FNBP1: variants seen among roughly 807,000 people sequenced by gnomAD.
FNBP1 encodes the protein formin binding protein 1.
Under a neutral mutation model 90.6 loss-of-function variants are expected in FNBP1, and 26 were observed. The ratio of observed to expected loss-of-function variants is 0.29; its 90% CI spans 0.21 to 0.40. The LOEUF (loss-of-function observed/expected upper bound fraction) is 0.40, where lower values mean the gene tolerates loss of function less well. Ranked by LOEUF, FNBP1 falls within the 10% of genes least tolerant of loss-of-function variation. FNBP1 has a pLI of 1.00. For missense variants in FNBP1, 635 were observed against 768.0 expected, an observed-to-expected ratio of 0.83 and a Z score of 2.05; for synonymous variants, 260 against 265.2, an observed-to-expected ratio of 0.98 and a Z score of 0.19.
intron 1 of FNBP1, among the ~76,000 whole-genome samples, chr9:130,004,899 C>A (rs2055425489): frequency 6.6e-6 from 1 of 151,924 alleles, no homozygotes; most frequent in Non-Finnish European, 1.5e-5. Flanking sequence ...AACCCTGTCT[C>A]TACTAAAAAC....
chr9:130,036,643 T>G (rs1281171491), intron 1 of FNBP1, among the ~76,000 whole-genome samples: 1 of 152,198 alleles, frequency 6.6e-6, no homozygotes, highest in Non-Finnish European at 1.5e-5. Flanking sequence ...GTTGATTTTG[T>G]TTCTCTTCTG....
chr9:130,047,455 A>G (rs565756206), upstream of FNBP1, among the ~76,000 whole-genome samples: 51 of 152,262 alleles, frequency 3.3e-4, no homozygotes, highest in Middle Eastern at 0.014. Context: ...TCTACTAAAA[A>G]TACAAAAATT....
chr9:130,048,505 T>TTTTTTTTTTG, the FNBP1 span, among the ~76,000 whole-genome samples: 1 of 146,670 alleles, frequency 6.8e-6, no homozygotes, highest in African/African-American at 2.5e-5. Flanking sequence ...TTTTTTTTTT[T>TTTTTTTTTTG]GAGACGGAGT....
At chr9:130,029,752 G>A (rs1029934158) in intron 1 of FNBP1, among the ~76,000 whole-genome samples, 1 of 152,120 alleles carries the variant, frequency 6.6e-6, no homozygotes, top group African/African-American at 2.4e-5. Flanking sequence ...CGGAGGCCAA[G>A]GCAGGGGGAT....
intron 1 of FNBP1, among the ~76,000 whole-genome samples, chr9:130,020,359 G>A (rs186906806): frequency 6.6e-5 from 10 of 152,134 alleles, no homozygotes; most frequent in East Asian, 3.9e-4. Context: ...ACAGGCGCCC[G>A]CCACCACGCC....
In FNBP1 at chr9:130,042,819, T is replaced by C; in HGVS notation, c.24+133A>G. ...CGAGGGGCATTGGAACCCCGCCTCC[T>C]CCCCAGGCCGCGAGGACCCCGACCA... On this transcript the variant is annotated intron_variant, in intron 1 of 16. Coordinates refer to ENST00000446176, the MANE Select transcript of FNBP1 (RefSeq NM_015033.3). This position sits in a 1 kb window ranked among gnomAD's most constrained non-coding sequence, Gnocchi z 5.5. 1.9e-6 allele frequency: 1 copy of C among 518,988 alleles called. No homozygotes were observed. Among genetic ancestry groups the C allele is most frequent in the Non-Finnish European group, 2.9e-6 (1 of 344,412 alleles). 32.1% of individuals were successfully genotyped at this position (518,988 alleles called of 1,614,324 possible).
intron 6 of FNBP1, among the ~76,000 whole-genome samples, chr9:129,932,309 A>C (rs1036045676): frequency 2.6e-5 from 4 of 152,078 alleles, no homozygotes; most frequent in Admixed American, 6.6e-5. Context: ...AGAAAAGAAA[A>C]GAAACACATG....
At chr9:130,053,736 G>A in the FNBP1 span, 2 of 598,164 alleles carry the variant, frequency 3.3e-6, no homozygotes, top group East Asian at 5.8e-5. Flanking sequence ...AGTCTGCACA[G>A]GAGCGGCCGA....
chr9:130,010,633 C>T (rs1193260186), intron 1 of FNBP1, among the ~76,000 whole-genome samples: 1 of 152,094 alleles, frequency 6.6e-6, no homozygotes, highest in Non-Finnish European at 1.5e-5. Context: ...TGGAAAGCAC[C>T]TGGCTTTTTG....
intron 8 of FNBP1, among the ~76,000 whole-genome samples, chr9:129,925,719 G>A (rs1358080692): frequency 2.1e-5 from 3 of 142,852 alleles, no homozygotes; most frequent in African/African-American, 7.8e-5. Context: ...TCAGCCTCCC[G>A]AGTAGCTGGG....
chr9:129,978,906 T>C (rs941448915), intron 3 of FNBP1, among the ~76,000 whole-genome samples: 5 of 152,228 alleles, frequency 3.3e-5, no homozygotes, highest in African/African-American at 4.8e-5. Flanking sequence ...TGTACTAATG[T>C]AAAGGATATT....
At chr9:129,960,824 C>G (rs1305902822) in intron 4 of FNBP1, among the ~76,000 whole-genome samples, 1 of 151,984 alleles carries the variant, frequency 6.6e-6, no homozygotes, top group Non-Finnish European at 1.5e-5. Context: ...AGGTTTTGGG[C>G]ACCTTTTGAT....
Position 130,030,578 on chromosome 9 carries a change from G to A in FNBP1, c.24+12374C>T, listed in dbSNP as rs73672537. ...CTGTAACGTAGACTGTCCTCCAGAG[G>A]AGGCAGAAGCCTAGGGCTCCCATTG... On this transcript the variant is annotated intron_variant, in intron 1 of 16. Transcript: ENST00000446176. 7.8e-3 allele frequency among the ~76,000 whole-genome samples: 1,194 copies of A among 152,266 alleles called. 15 individuals are homozygous for A. The highest frequency in any genetic ancestry group is 0.027 in the African/African-American group (1,139 of 41,552).
intron 12 of FNBP1, among the ~76,000 whole-genome samples, chr9:129,903,680 G>A (rs2037404065): frequency 6.6e-6 from 1 of 151,970 alleles, no homozygotes; most frequent in African/African-American, 2.4e-5. Context: ...TTTGAGACCA[G>A]GTTATGAGAC....
At chr9:129,915,780 C>A (rs2040162971) in intron 11 of FNBP1, among the ~76,000 whole-genome samples, 186 bp downstream of exon 11, 2 of 152,192 alleles carry the variant, frequency 1.3e-5, no homozygotes, top group African/African-American at 4.8e-5. Context: ...AGATTAAGAT[C>A]ACCTCTATTA....
intron 6 of FNBP1, among the ~76,000 whole-genome samples, chr9:129,948,535 T>C (rs1207540080): frequency 1.3e-5 from 2 of 151,508 alleles, no homozygotes; most frequent in African/African-American, 4.9e-5. Flanking sequence ...CAGCTCATTT[T>C]TTGTATTTTT....
At position 129,911,671 on chromosome 9, in the gene FNBP1, G is replaced by A. The variant is rs989990525; in HGVS notation, c.1186-2672C>T. On this transcript the variant is annotated intron_variant, in intron 11 of 16. Transcript: ENST00000446176. ...GTGGTGGCCAGGCGCAGTGGCTCAC[G>A]CCTGTAATCCCAGCACTTTGGGAGG... Among the ~76,000 whole-genome samples, 14 of 152,062 alleles carry A rather than the reference G, an allele frequency of 9.2e-5. 1 individual carries two copies. Among genetic ancestry groups the A allele is most frequent in the Non-Finnish European group, 5.9e-5 (4 of 68,010 alleles).
chr9:129,926,506 G>A (rs1028356010), intron 8 of FNBP1, among the ~76,000 whole-genome samples: 2 of 152,054 alleles, frequency 1.3e-5, no homozygotes, highest in African/African-American at 2.4e-5. Flanking sequence ...GCCTCTGCTG[G>A]GTAGAGGCCA....
intron 6 of FNBP1, among the ~76,000 whole-genome samples, chr9:129,938,258 C>A (rs1246054466): frequency 6.6e-6 from 1 of 152,144 alleles, no homozygotes; most frequent in Non-Finnish European, 1.5e-5. Context: ...AGCTCTTTGT[C>A]CAGAGCAAAG....
Sources: gnomAD v4.1 joint callset for allele counts (sites outside exome capture counted in the v4.1 genomes callset) on GRCh38, gnomAD v4.1.1 for gene constraint, Gnocchi (gnomAD v3.1) non-coding constraint, MANE v1.5 for transcripts, NCBI Gene and HGNC (gene_info 2026-07-23, HGNC 2026-07-21) for gene names.